Variants in PDE10A observed in about 807,000 individuals in gnomAD.
The protein encoded by PDE10A is phosphodiesterase 10A.
PDE10A carries 39 observed loss-of-function variants against 97.7 expected under a neutral mutation model. The observed-to-expected ratio is 0.40, with a 90% CI of 0.31 to 0.52. The LOEUF (loss-of-function observed/expected upper bound fraction) is 0.52. PDE10A is among the 20% of genes least tolerant of loss of function. The pLI, the probability that PDE10A is intolerant of heterozygous loss-of-function variation, is 0.56. For synonymous variants in PDE10A, 371 were observed against 376.8 expected, an observed-to-expected ratio of 0.98 and a Z score of 0.18; for missense variants, 731 against 1,047.8, an observed-to-expected ratio of 0.70 and a Z score of 4.17.
intron 1 of PDE10A, among the ~76,000 whole-genome samples, chr6:165,703,501 T>C (rs1470636688): frequency 2.0e-5 from 3 of 152,206 alleles, no homozygotes; most frequent in African/African-American, 7.2e-5. Flanking sequence ...TGAAGAAAAG[T>C]TATGCACAGG....
At chr6:165,693,632 T>C (rs757881081) in intron 1 of PDE10A, among the ~76,000 whole-genome samples, 1 of 151,138 alleles carries the variant, frequency 6.6e-6, no homozygotes, top group Non-Finnish European at 1.5e-5. Flanking sequence ...CTTTCTACAC[T>C]ATTATTTTAA....
intron 1 of PDE10A, among the ~76,000 whole-genome samples, chr6:165,650,420 G>T (rs1157323074): frequency 6.6e-6 from 1 of 151,748 alleles, no homozygotes; most frequent in African/African-American, 2.4e-5. Flanking sequence ...ACAGTTTCTT[G>T]TGTTTCTTCC....
At chr6:165,741,964 A>G (rs1392794029) in intron 1 of PDE10A, among the ~76,000 whole-genome samples, 1 of 152,204 alleles carries the variant, frequency 6.6e-6, no homozygotes, top group East Asian at 1.9e-4. Flanking sequence ...ATGCAATTAG[A>G]TGTTGGCAGC....
At chr6:165,436,994 A>G (rs1260980899) in intron 5 of PDE10A, among the ~76,000 whole-genome samples, 1 of 152,188 alleles carries the variant, frequency 6.6e-6, no homozygotes, top group African/African-American at 2.4e-5. Context: ...ATTGACAACG[A>G]TTTTCTCAAA....
rs1781389081 is a variant in PDE10A at position 165,332,406 on chromosome 6, A to G, written c.*619T>C. 1 of 152,224 alleles carries G rather than the reference A, an allele frequency of 6.6e-6. No individual in the cohort carries two copies. Among genetic ancestry groups the G allele is most frequent in the East Asian group, 1.9e-4 (1 of 5,190 alleles). The allele number at this position is 152,224 out of a possible 1,614,324, so 9.4% of individuals were successfully genotyped here. A position where few individuals can be genotyped will look rare whatever the true frequency, so the allele number is the denominator to read the frequency against. ...CAGCCCTTTAGGTTGAACTTAAAGA[A>G]TTATGTTTAGTCTAACTAAATTCAT... is the stretch of plus-strand genomic sequence containing the variant. On this transcript the variant is annotated 3_prime_UTR_variant, in exon 22 of 22. Transcript: ENST00000539869.
In PDE10A at chr6:165,661,902, T is replaced by G; in HGVS notation, c.865+45A>C. On this transcript the variant is annotated intron_variant, in intron 1 of 21. Transcript: ENST00000539869. This position sits in a 1 kb window ranked among gnomAD's most constrained non-coding sequence, Gnocchi z 4.8. The stretch of plus-strand genomic sequence containing the variant: ...AAGCCCCCCACCTGCCCCCAGGGGA[T>G]GAGGAGCCGCCCCACCTCCGGGGAA... 1 of 782,914 alleles carries G rather than the reference T, an allele frequency of 1.3e-6. No homozygotes were observed. The highest frequency in any genetic ancestry group is 2.2e-6 in the Non-Finnish European group (1 of 458,640). The allele number at this position is 782,914 out of a possible 1,614,324, so 48.5% of individuals were successfully genotyped here.
chr6:165,737,830 A>T (rs943382185), intron 1 of PDE10A, among the ~76,000 whole-genome samples: 2 of 152,224 alleles, frequency 1.3e-5, no homozygotes, highest in African/African-American at 4.8e-5. Flanking sequence ...AAGGAATACA[A>T]GGCATGCAAA....
chr6:165,657,977 T>C (rs1790050057), intron 1 of PDE10A, among the ~76,000 whole-genome samples: 1 of 152,190 alleles, frequency 6.6e-6, no homozygotes, highest in Non-Finnish European at 1.5e-5. Flanking sequence ...CCTGTTATCA[T>C]TATTTTAATC....
At chr6:165,463,958 C>T (rs1778482781) in intron 3 of PDE10A, among the ~76,000 whole-genome samples, 1 of 152,226 alleles carries the variant, frequency 6.6e-6, no homozygotes, top group African/African-American at 2.4e-5. Context: ...CCTTCGTTTC[C>T]CATAAGGGAT....
At chr6:165,690,099 CAG>C (rs1444933799) in intron 1 of PDE10A, among the ~76,000 whole-genome samples, 10 of 152,146 alleles carry the variant, frequency 6.6e-5, no homozygotes, top group African/African-American at 2.2e-4. Flanking sequence ...TTTGGTCACA[CAG>C]AGAATAGGAA....
In PDE10A at chr6:165,689,688, CA is replaced by C. The variant is rs1438707184; in HGVS notation, c.-614-146121del. 5.9e-5 allele frequency among the ~76,000 whole-genome samples: 9 copies of C among 152,340 alleles called. No individual in the cohort carries two copies. In the East Asian group the frequency reaches 1.7e-3, roughly 29 times the overall value. ...CGTGAGCGGAAGCTTCCTGAGGTCTCACCAGAAGCGGATGCTGGTGCCAGGC... is the reference window on the plus strand; with the variant it reads ...CGTGAGCGGAAGCTTCCTGAGGTCTCCCAGAAGCGGATGCTGGTGCCAGGC... On this transcript the variant is annotated intron_variant, in intron 1 of 19. Coordinates refer to the PDE10A transcript ENST00000366882.
intron 2 of PDE10A, among the ~76,000 whole-genome samples, chr6:165,520,539 G>C (rs973964577): frequency 6.6e-6 from 1 of 152,140 alleles, no homozygotes; most frequent in African/African-American, 2.4e-5. Flanking sequence ...TGATTTGACA[G>C]AGCATCTAGG....
intron 13 of PDE10A, among the ~76,000 whole-genome samples, chr6:165,409,089 T>C (rs1221384788): frequency 5.6e-5 from 7 of 124,712 alleles, no homozygotes; most frequent in Non-Finnish European, 9.9e-5. Context: ...GGCGTGAACC[T>C]GGGAGGAGGA....
chr6:165,788,898 A>G (rs1778572190), intron 1 of PDE10A, among the ~76,000 whole-genome samples: 1 of 152,174 alleles, frequency 6.6e-6, no homozygotes, highest in Non-Finnish European at 1.5e-5. Flanking sequence ...ATGGAAGCCA[A>G]GTGCGTGCAC....
intron 1 of PDE10A, among the ~76,000 whole-genome samples, chr6:165,782,961 A>C (rs1201207367): frequency 6.6e-6 from 1 of 152,226 alleles, no homozygotes; most frequent in African/African-American, 2.4e-5. Flanking sequence ...TGGTGTTTTC[A>C]CATGACCATG....
chr6:165,868,253 A>C (rs978243752), intron 1 of PDE10A, among the ~76,000 whole-genome samples: 6 of 152,058 alleles, frequency 3.9e-5, no homozygotes, highest in African/African-American at 1.4e-4. Context: ...CCATAAACAA[A>C]ATTGATAGAC....
chr6:165,622,750 T>C (rs79571844), intron 1 of PDE10A, among the ~76,000 whole-genome samples: 25,220 of 152,108 alleles, frequency 0.17, 2,805 homozygotes, highest in African/African-American at 0.32. Context: ...AAACTTCCTT[T>C]ATAATCAATT....
chr6:165,613,893 T>C (rs892743534), intron 1 of PDE10A, among the ~76,000 whole-genome samples: 1 of 152,124 alleles, frequency 6.6e-6, no homozygotes, highest in Admixed American at 6.5e-5. Flanking sequence ...GACTCAAAAC[T>C]GAACATCTCC....
chr6:165,553,339 G>A (rs1784106683), intron 1 of PDE10A, among the ~76,000 whole-genome samples: 3 of 152,038 alleles, frequency 2.0e-5, no homozygotes, highest in Middle Eastern at 3.2e-3. Context: ...TAACTTGAAA[G>A]TTTTGGTAGA....
Sources: gnomAD v4.1 joint callset for allele counts (sites outside exome capture counted in the v4.1 genomes callset) on GRCh38, gnomAD v4.1.1 for gene constraint, Gnocchi (gnomAD v3.1) non-coding constraint, MANE v1.5 for transcripts, NCBI Gene and HGNC (gene_info 2026-07-23, HGNC 2026-07-21) for gene names.